The following SON variants were observed in gnomAD, a reference collection of about 807,000 sequenced individuals.
SON encodes the protein SON DNA and RNA binding protein.
In SON, 4 loss-of-function variants were observed where a neutral mutation model predicts 173.3. The ratio of observed to expected loss-of-function variants is 0.02; its 90% confidence interval spans 0.01 to 0.05. The LOEUF is 0.05. Among genes scored for constraint, SON ranks in the 10% least tolerant of loss-of-function variants. SON has a pLI of 1.00. For synonymous variants in SON, 1,190 were observed against 1,105.9 expected (o/e 1.08, Z -1.51); for missense variants, 2,626 against 3,055.3 (o/e 0.86, Z 3.31).
intron 7 of SON, among the ~76,000 whole-genome samples, chr21:33,568,003 G>A (rs556973548): frequency 6.6e-6 from 1 of 152,178 alleles, no homozygotes; most frequent in African/African-American, 2.4e-5. Flanking sequence ...TGAATCTGGA[G>A]TCTGTGCTTT....
At chr21:33,557,117 C>A (rs1555899797) in intron 3 of SON, 39 bp from the exon 4 acceptor site, 2 of 1,588,332 alleles carry the variant, frequency 1.3e-6, no homozygotes, top group Admixed American at 3.5e-5. Flanking sequence ...AATGTACAGT[C>A]TTTTAGGAAA....
intron 1 of SON, 160 bp downstream of exon 1, chr21:33,543,329 C>T (rs1569044725): frequency 4.7e-6 from 3 of 642,100 alleles, no homozygotes; most frequent in Non-Finnish European, 2.7e-6. Context: ...CCCAACCGCC[C>T]CCCCAGCCGC....
intron 3 of SON, among the ~76,000 whole-genome samples, chr21:33,556,573 G>A (rs898228147): frequency 1.6e-4 from 24 of 152,052 alleles, no homozygotes; most frequent in African/African-American, 5.6e-4. Context: ...AATTAGATGG[G>A]TGTGGTGGCA....
chr21:33,572,400 A>G (rs2086304847), intron 8 of SON: 2 of 359,936 alleles, frequency 5.6e-6, no homozygotes. Flanking sequence ...ACTGTTGACC[A>G]TGCTAATGTA....
chr21:33,568,841 T>G, intron 7 of SON, 130 bp from the exon 8 acceptor site: 2 of 587,104 alleles, frequency 3.4e-6, no homozygotes, highest in Non-Finnish European at 6.2e-6. Flanking sequence ...TAGGCAAACA[T>G]TTAATGTTAA....
At chr21:33,548,294 T>C (rs1042402387) in intron 2 of SON, among the ~76,000 whole-genome samples, 1 of 151,754 alleles carries the variant, frequency 6.6e-6, no homozygotes, top group Non-Finnish European at 1.5e-5. Flanking sequence ...TGGGGGAAAA[T>C]GTTATCTCTT....
chr21:33,552,500 G>A lies in SON; in HGVS notation c.3269G>A (p.Arg1090Gln), dbSNP rs776995973. ...TCTATGATGTCCATGGGTGCTGACCGGTCTATGATGTCGTCATACTCTGCT... is the reference window on the plus strand; with the variant it reads ...TCTATGATGTCCATGGGTGCTGACCAGTCTATGATGTCGTCATACTCTGCT... ...DRSMMSMGAD[R>Q]SMMSSYSAAD... The change falls in exon 3 of 12, where the codon CGG (arginine) becomes CAG (glutamine). Residue 1090 changes from arginine to glutamine, a missense_variant. By Grantham distance (43) the Arg-to-Gln change is conservative. Coordinates refer to ENST00000356577, the MANE Select transcript of SON (RefSeq NM_138927.4). The surrounding 1 kb of genome is among the most constrained non-coding windows in gnomAD (Gnocchi z 5.6). The A allele has an allele frequency of 6.8e-6, 11 of 1,613,870 alleles. No homozygotes were observed. The highest frequency in any genetic ancestry group is 9.3e-6 in the Non-Finnish European group (11 of 1,179,928).
intron 6 of SON, chr21:33,560,284 T>C: frequency 7.0e-7 from 1 of 1,434,250 alleles, no homozygotes; most frequent in Non-Finnish European, 9.1e-7. Context: ...TTCTCTGGGT[T>C]GTTTGTCAGA....
intron 2 of SON, among the ~76,000 whole-genome samples, chr21:33,547,800 C>T (rs1289568610): frequency 6.1e-5 from 9 of 148,218 alleles, no homozygotes; most frequent in South Asian, 2.1e-4. Context: ...CTGCAAGCTC[C>T]GCCTCCCGGG....
At chr21:33,558,232 A>C (rs2086005365) in intron 4 of SON, 1 of 151,868 alleles carries the variant, frequency 6.6e-6, no homozygotes, top group African/African-American at 2.4e-5. Flanking sequence ...ACCCAAATTT[A>C]CTCTTGACCT....
chr21:33,573,796 C>G (rs2086339842), intron 9 of SON, among the ~76,000 whole-genome samples: 1 of 152,138 alleles, frequency 6.6e-6, no homozygotes, highest in Non-Finnish European at 1.5e-5. Flanking sequence ...GACAAGGAAC[C>G]ATCCTTTTTT....
chr21:33,559,157 GT>G lies in SON; in HGVS notation c.6322-69del. The G allele has an allele frequency of 1.6e-6, 2 of 1,243,716 alleles. No homozygotes were observed. The highest frequency in any genetic ancestry group is 2.2e-6 in the Non-Finnish European group (2 of 916,528). The allele number at this position is 1,243,716 out of a possible 1,614,324, so 77.0% of individuals were successfully genotyped here. On this transcript the variant is annotated intron_variant, in intron 4 of 11. Coordinates refer to ENST00000356577, the MANE Select transcript of SON (RefSeq NM_138927.4). This position sits in a 1 kb window ranked among gnomAD's most constrained non-coding sequence, Gnocchi z 4.1. ...AACTTTGGAAAGTTGCTATTATGTGGTTTTGATTCTAAGAAATTACATGTTC... is the reference window on the plus strand; with the variant it reads ...AACTTTGGAAAGTTGCTATTATGTGGTTTGATTCTAAGAAATTACATGTTC...
In SON at chr21:33,566,516, T is replaced by C. The variant is rs1478225226; in HGVS notation, c.6658-641T>C. 2.4e-4 allele frequency among the ~76,000 whole-genome samples: 26 copies of C among 108,196 alleles called. No homozygotes were observed. In the Admixed American group the frequency reaches 2.9e-3, roughly 12 times the overall value. The allele number at this position is 108,196 out of a possible 152,430, so 71.0% of individuals were successfully genotyped here. On this transcript the variant is annotated intron_variant, in intron 6 of 11. Transcript: ENST00000356577. ...GATGTTATGGACTTCCACAGAAATA[T>C]TGTAATTATAAATAGTGTAATATAC...
chr21:33,564,593 G>A (rs1192158300), intron 6 of SON, among the ~76,000 whole-genome samples: 3 of 152,194 alleles, frequency 2.0e-5, no homozygotes, highest in Admixed American at 2.0e-4. Flanking sequence ...AGGCACAGTG[G>A]CTCACGCCTG....
At chr21:33,543,393 C>G in intron 1 of SON, 1 of 587,486 alleles carries the variant, frequency 1.7e-6, no homozygotes, top group Non-Finnish European at 3.0e-6. Flanking sequence ...CCCAAGACTC[C>G]CTGTTTCAGA....
At chr21:33,573,567 G>A (rs2086334184) in intron 9 of SON, 112 bp downstream of exon 9, 3 of 877,526 alleles carry the variant, frequency 3.4e-6, no homozygotes, top group South Asian at 2.4e-5. Context: ...ATATATACAG[G>A]TATTTGTCAG....
intron 1 of SON, among the ~76,000 whole-genome samples, chr21:33,544,914 A>C (rs1367573700): frequency 6.6e-6 from 1 of 152,238 alleles, no homozygotes; most frequent in Non-Finnish European, 1.5e-5. Flanking sequence ...TAGACGAAGC[A>C]GTTTATTACT....
Position 33,553,122 on chromosome 21 carries a change from G to T in SON, c.3891G>T (p.Val1297=). The T allele has an allele frequency of 6.2e-7, 1 of 1,614,184 alleles. No individual in the cohort carries two copies. The highest frequency in any genetic ancestry group is 1.1e-5 in the South Asian group (1 of 91,086). The change falls in exon 3 of 12, where the codon GTG becomes GTT. Residue 1297 remains valine, a synonymous_variant. Transcript: ENST00000356577. ...CCGCCATGTCAGCTGAACCAACTGT[G>T]TTAGCATCAGAGCCTCCTGTTATGT... The part of the protein sequence containing the change: ...ETPAMSAEPT[V]LASEPPVMSE...
rs199876598 is a variant in SON, at chr21:33,550,333, A to G, written c.1102A>G (p.Thr368Ala). Residue 368 changes from threonine to alanine, a missense_variant, in exon 3 of 12, where the codon ACA becomes GCA. Thr to Ala is a moderately conservative substitution (Grantham distance 58, BLOSUM62 0). Around this residue, in one of 13 missense-constraint regions of SON, gnomAD observed 757 missense variants for 730.1 expected, o/e 1.04. Coordinates refer to ENST00000356577, the MANE Select transcript of SON (RefSeq NM_138927.4). ...PQELPELPKT[T>A]ALELQESSVA... Reference sequence around the variant, plus strand: ...GGAGTTGCCGGAGCTGCCTAAGACCACAGCGTTGGAGCTGCAGGAGTCGTC... The same window carrying G: ...GGAGTTGCCGGAGCTGCCTAAGACCGCAGCGTTGGAGCTGCAGGAGTCGTC... The G allele has an allele frequency of 1.6e-4, 251 of 1,614,002 alleles. No homozygotes were observed. Among genetic ancestry groups the G allele is most frequent in the Non-Finnish European group, 2.1e-4 (244 of 1,180,016 alleles).
Sources: gnomAD v4.1 joint callset for allele counts (sites outside exome capture counted in the v4.1 genomes callset) on GRCh38, gnomAD v4.1.1 for gene constraint, gnomAD v4.1.1 regional missense constraint, Gnocchi (gnomAD v3.1) non-coding constraint, MANE v1.5 for transcripts, NCBI Gene and HGNC (gene_info 2026-07-23, HGNC 2026-07-21) for gene names.